The following SOX6 variants were observed in gnomAD, a reference collection of about 807,000 sequenced individuals.
SOX6 encodes the protein SRY-box transcription factor 6.
A neutral mutation model predicts 97.8 loss-of-function variants in SOX6; 11 were observed. That is an observed-to-expected ratio of 0.11 (90% CI 0.07 to 0.19). SOX6 has a LOEUF of 0.19. Among genes scored for constraint, SOX6 ranks in the 10% least tolerant of loss-of-function variants. The pLI, the probability that SOX6 is intolerant of heterozygous loss-of-function variation, is 1.00. For missense variants in SOX6, 810 were observed against 1,039.5 expected (o/e 0.78, Z 3.04); for synonymous variants, 360 against 371.4 (o/e 0.97, Z 0.35).
At chr11:16,226,061 C>T (rs1209657465) in intron 4 of SOX6, among the ~76,000 whole-genome samples, 1 of 152,050 alleles carries the variant, frequency 6.6e-6, no homozygotes, top group African/African-American at 2.4e-5. Flanking sequence ...AGTTGAGTAA[C>T]TGTAATAAGT....
chr11:16,399,219 T>A (rs1044063639), intron 1 of SOX6, among the ~76,000 whole-genome samples: 5 of 151,406 alleles, frequency 3.3e-5, no homozygotes, highest in African/African-American at 1.2e-4. Flanking sequence ...ATTAAAAAGC[T>A]TTGAAACTAT....
chr11:16,684,675 A>AC (rs201836108), intron 3 of SOX6, among the ~76,000 whole-genome samples: 2,028 of 152,226 alleles, frequency 0.013, 51 homozygotes, highest in African/African-American at 0.047. Flanking sequence ...GCACATGTAT[A>AC]CCTATGTAGC....
intron 2 of SOX6, among the ~76,000 whole-genome samples, chr11:16,719,601 G>A (rs1250843330): frequency 6.6e-6 from 1 of 152,178 alleles, no homozygotes; most frequent in Non-Finnish European, 1.5e-5. Flanking sequence ...GCATATCAGA[G>A]AATATTTGAG....
At chr11:16,392,484 G>A (rs2134428082) in intron 1 of SOX6, among the ~76,000 whole-genome samples, 1 of 152,222 alleles carries the variant, frequency 6.6e-6, no homozygotes, top group Non-Finnish European at 1.5e-5. Context: ...GCTTAAACAT[G>A]TGATCTATTA....
At chr11:16,182,196 A>C (rs535053276) in intron 6 of SOX6, among the ~76,000 whole-genome samples, 1 of 151,908 alleles carries the variant, frequency 6.6e-6, no homozygotes, top group Admixed American at 6.6e-5. Context: ...CAGTGAAGAC[A>C]ACCAGTCAGT....
chr11:16,686,783 G>T (rs1300213727), intron 3 of SOX6, among the ~76,000 whole-genome samples: 1 of 152,166 alleles, frequency 6.6e-6, no homozygotes, highest in African/African-American at 2.4e-5. Context: ...AATTTTCTGT[G>T]TTAGGCTATT....
chr11:16,204,638 C>G (rs1424935577), intron 4 of SOX6, among the ~76,000 whole-genome samples: 1 of 152,120 alleles, frequency 6.6e-6, no homozygotes, highest in Admixed American at 6.6e-5. Flanking sequence ...TATTTCTGAC[C>G]CCTGGTTCAA....
At chr11:16,093,599 TG>T (rs1346558069) in intron 9 of SOX6, among the ~76,000 whole-genome samples, 1 of 151,770 alleles carries the variant, frequency 6.6e-6, no homozygotes. Context: ...ATGCATGCAG[TG>T]GGGTGGGGGA....
chr11:16,123,240 C>T (rs1849535449), intron 6 of SOX6, among the ~76,000 whole-genome samples: 1 of 152,026 alleles, frequency 6.6e-6, no homozygotes, highest in Admixed American at 6.6e-5. Flanking sequence ...TCACTGTGAG[C>T]TCATTATGCA....
chr11:16,319,177 T>G (rs1215578401), intron 2 of SOX6, among the ~76,000 whole-genome samples: 1 of 152,130 alleles, frequency 6.6e-6, no homozygotes, highest in African/African-American at 2.4e-5. Flanking sequence ...ATACAGAAAT[T>G]ATCTAAATCA....
intron 13 of SOX6, among the ~76,000 whole-genome samples, chr11:15,999,274 A>T (rs925822422): frequency 6.6e-5 from 10 of 152,172 alleles, no homozygotes; most frequent in African/African-American, 2.4e-4. Context: ...TGTAACTCTA[A>T]TATACTGGTA....
chr11:16,375,735 G>A (rs1196371093), intron 1 of SOX6, among the ~76,000 whole-genome samples: 3 of 152,028 alleles, frequency 2.0e-5, no homozygotes, highest in Non-Finnish European at 2.9e-5. Flanking sequence ...ACATACACAC[G>A]TATGTTTATT....
At chr11:16,480,996 T>G (rs1219725091), upstream of SOX6, among the ~76,000 whole-genome samples, 1 of 152,170 alleles carries the variant, frequency 6.6e-6, no homozygotes, top group African/African-American at 2.4e-5. Flanking sequence ...GTCTTTTATA[T>G]ATCAGAATAA....
chr11:16,594,443 G>T (rs1340128468), intron 4 of SOX6, among the ~76,000 whole-genome samples: 1 of 151,988 alleles, frequency 6.6e-6, no homozygotes, highest in Non-Finnish European at 1.5e-5. Context: ...GGGTTGCAAG[G>T]TTACAATCCT....
chr11:16,430,137 T>C (rs141398320), intron 1 of SOX6, among the ~76,000 whole-genome samples: 1 of 152,308 alleles, frequency 6.6e-6, no homozygotes, highest in African/African-American at 2.4e-5. Context: ...CCATAGGAAA[T>C]TTGCATATAT....
At chr11:16,563,951 A>G (rs1024320153) in intron 4 of SOX6, among the ~76,000 whole-genome samples, 1 of 152,202 alleles carries the variant, frequency 6.6e-6, no homozygotes, top group Non-Finnish European at 1.5e-5. Context: ...AAGTGGCACA[A>G]TATTTTCGAA....
chr11:16,377,580 A>T (rs1242832854), intron 1 of SOX6, among the ~76,000 whole-genome samples: 1 of 152,320 alleles, frequency 6.6e-6, no homozygotes, highest in East Asian at 1.9e-4. Context: ...AAGATGGAAA[A>T]AAACATCCAC....
At chr11:16,220,179 T>C (rs1332024861) in intron 4 of SOX6, among the ~76,000 whole-genome samples, 2 of 152,072 alleles carry the variant, frequency 1.3e-5, no homozygotes. Context: ...AATATCCATA[T>C]TAACTGTGTG....
chr11:16,099,032 A>G (rs1320763031), intron 7 of SOX6, among the ~76,000 whole-genome samples: 1 of 151,752 alleles, frequency 6.6e-6, no homozygotes, highest in Non-Finnish European at 1.5e-5. Context: ...TCTTTGCATC[A>G]TATCCATAAT....
Sources: gnomAD v4.1 joint callset for allele counts (sites outside exome capture counted in the v4.1 genomes callset) on GRCh38, gnomAD v4.1.1 for gene constraint, MANE v1.5 for transcripts, NCBI Gene and HGNC (gene_info 2026-07-23, HGNC 2026-07-21) for gene names.